Variants in DERA observed in about 807,000 individuals in gnomAD.
DERA encodes deoxyribose-phosphate aldolase.
DERA carries 15 observed loss-of-function variants against 41.1 expected under a neutral mutation model. The ratio of observed to expected loss-of-function variants is 0.37; its 90% CI spans 0.24 to 0.56. The LOEUF is 0.56. Among genes scored for constraint, DERA ranks in the 20% least tolerant of loss-of-function variants. The pLI, the probability that DERA is intolerant of heterozygous loss-of-function variation, is 0.81. For synonymous variants in DERA, 139 were observed against 137.4 expected, an observed-to-expected ratio of 1.01 and a Z score of -0.08; for missense variants, 396 against 403.4, an observed-to-expected ratio of 0.98 and a Z score of 0.16.
rs1170088923 is a variant in DERA, at chr12:15,911,540, A to T, written c.31+126A>T. ...CCGAGGGGTTTTCGCTGGGGCGGGA[A>T]GCAGTGGCGTCTGGTCAGCCCTCAC... On this transcript the variant is annotated intron_variant, in intron 1 of 8. Coordinates refer to ENST00000428559, the MANE Select transcript of DERA (RefSeq NM_015954.4). This position sits in a 1 kb window ranked among gnomAD's most constrained non-coding sequence, Gnocchi z 4.5. 3 of 981,000 alleles carry T rather than the reference A, an allele frequency of 3.1e-6. No individual in the cohort carries two copies. The highest frequency in any genetic ancestry group is 4.4e-6 in the Non-Finnish European group (3 of 681,200). The allele number at this position is 981,000 out of a possible 1,614,324, so 60.8% of individuals were successfully genotyped here.
chr12:15,982,450 G>T lies in DERA; in HGVS notation c.637+14G>T. The T allele has an allele frequency of 6.3e-7, 1 of 1,593,904 alleles. No homozygotes were observed. Among genetic ancestry groups the T allele is most frequent in the Non-Finnish European group, 8.5e-7 (1 of 1,173,374 alleles). On this transcript the variant is annotated intron_variant, in intron 6 of 8. Transcript: ENST00000428559. The surrounding 1 kb of genome is among the most constrained non-coding windows in gnomAD (Gnocchi z 4.0). ...CAATGATGGCAGGTAAGTGTTTTAT[G>T]TTCAAATAATGTTTTCTATTGAATT...
intron 1 of DERA, among the ~76,000 whole-genome samples, chr12:15,925,822 C>CTTT (rs35956433): frequency 2.7e-3 from 257 of 95,268 alleles, no homozygotes; most frequent in Non-Finnish European, 3.9e-3. Context: ...ACTCCTGAGG[C>CTTT]TTTTTTTTTT....
rs1948625783 is a variant in DERA, at chr12:15,966,724, T to C, written c.508+3777T>C. 6.6e-6 allele frequency among the ~76,000 whole-genome samples: 1 copy of C among 152,084 alleles called. No individual in the cohort carries two copies. The highest frequency in any genetic ancestry group is 2.1e-4 in the South Asian group (1 of 4,804). On this transcript the variant is annotated intron_variant, in intron 5 of 8. Coordinates refer to ENST00000428559, the MANE Select transcript of DERA (RefSeq NM_015954.4). This position sits in a 1 kb window ranked among gnomAD's most constrained non-coding sequence, Gnocchi z 5.1. Reference sequence around the variant, plus strand: ...CCCCTGCGTCTCATTTGCAAGCTCCTTCACCTCCTCTGTCATCCCTGAAGT... The same window carrying C: ...CCCCTGCGTCTCATTTGCAAGCTCCCTCACCTCCTCTGTCATCCCTGAAGT...
intron 1 of DERA, among the ~76,000 whole-genome samples, chr12:15,932,940 G>A (rs992400364): frequency 6.6e-6 from 1 of 152,034 alleles, no homozygotes; most frequent in African/African-American, 2.4e-5. Context: ...CCCTTTATGT[G>A]GTATTTCACT....
At chr12:16,016,791 C>CAAAAAAAAAAAAAAAAAAAAA (rs55996641) in intron 6 of DERA, among the ~76,000 whole-genome samples, 2 of 58,674 alleles carry the variant, frequency 3.4e-5, no homozygotes, top group African/African-American at 8.1e-5. Context: ...GACCCTGTCT[C>CAAAAAAAAAAAAAAAAAAAAA]AAAAAAAAAA....
intron 1 of DERA, among the ~76,000 whole-genome samples, chr12:15,948,053 A>C (rs1948465462): frequency 6.6e-6 from 1 of 152,202 alleles, no homozygotes; most frequent in Admixed American, 6.5e-5. Context: ...AGGCTTGTAG[A>C]GTTTCTGCTG....
rs146746247 is a variant in DERA, at chr12:16,010,014, C to A, written c.638-22528C>A. Among the ~76,000 whole-genome samples the A allele has an allele frequency of 4.5e-3, 683 of 152,232 alleles. 2 individuals are homozygous for A. Among genetic ancestry groups the A allele is most frequent in the Non-Finnish European group, 6.8e-3 (464 of 68,020 alleles). ...GAAGTTCTGTGAGAGACAGATAAAACCTCTGTATTAAGTGTGCAGTATAAC... is the reference window on the plus strand; with the variant it reads ...GAAGTTCTGTGAGAGACAGATAAAAACTCTGTATTAAGTGTGCAGTATAAC... On this transcript the variant is annotated intron_variant, in intron 6 of 8. Coordinates refer to ENST00000428559, the MANE Select transcript of DERA (RefSeq NM_015954.4). This position sits in a 1 kb window ranked among gnomAD's most constrained non-coding sequence, Gnocchi z 5.5.
rs1459414373 is a variant in DERA, at chr12:15,967,748, C to G, written c.508+4801C>G. Among the ~76,000 whole-genome samples, 2 of 152,174 alleles carry G rather than the reference C, an allele frequency of 1.3e-5. No homozygotes were observed. Among genetic ancestry groups the G allele is most frequent in the Non-Finnish European group, 2.9e-5 (2 of 68,034 alleles). On this transcript the variant is annotated intron_variant, in intron 5 of 8. Coordinates refer to ENST00000428559, the MANE Select transcript of DERA (RefSeq NM_015954.4). The surrounding 1 kb of genome is among the most constrained non-coding windows in gnomAD (Gnocchi z 4.9). ...CGTGACGGCACACTGTCCTTCCCTG[C>G]CAATCCTTCTGTCACTCCTGTCTAG...
In DERA at chr12:15,959,821, C is replaced by T. The variant is rs1031484026; in HGVS notation, c.278-8C>T. 8.5e-6 allele frequency: 13 copies of T among 1,525,630 alleles called. No homozygotes were observed. The African/African-American group carries it at 1.7e-4, about 19-fold the overall frequency. The allele number at this position is 1,525,630 out of a possible 1,614,324, so 94.5% of individuals were successfully genotyped here. On this transcript the variant is annotated splice_polypyrimidine_tract_variant and splice_region_variant and intron_variant, in intron 3 of 8. Transcript: ENST00000428559. This position sits in a 1 kb window ranked among gnomAD's most constrained non-coding sequence, Gnocchi z 4.5. ...TGAAAGTTGGCTATTCCTATTTTTT[C>T]TTGATAGGCATTACTACAGCCGCCG...
In DERA at chr12:15,959,850, G is replaced by A. The variant is rs1415957309; in HGVS notation, c.299G>A (p.Cys100Tyr). ...ATAGGCATTACTACAGCCGCCGTTT[G>A]TGTTTATCCCGCCCGGGTGTGTGAT... is the stretch of plus-strand genomic sequence containing the variant. ...HDKGITTAAV[C>Y]VYPARVCDAV... Residue 100 changes from cysteine (C) to tyrosine (Y), a missense_variant, in exon 4 of 9, where the codon TGT becomes TAT. By Grantham distance (194) the Cys-to-Tyr change is radical. Transcript: ENST00000428559. This position sits in a 1 kb window ranked among gnomAD's most constrained non-coding sequence, Gnocchi z 4.5. 10 of 1,547,706 alleles carry A rather than the reference G, an allele frequency of 6.5e-6. No homozygotes were observed. Among genetic ancestry groups the A allele is most frequent in the East Asian group, 2.4e-5 (1 of 41,172 alleles).
At chr12:15,977,338 A>G (rs1948704387) in intron 5 of DERA, among the ~76,000 whole-genome samples, 2 of 152,124 alleles carry the variant, frequency 1.3e-5, no homozygotes, top group Non-Finnish European at 2.9e-5. Flanking sequence ...GAGGCAGAAA[A>G]TTTTGAGGAA....
chr12:16,023,553 C>T (rs1949032878), intron 6 of DERA, among the ~76,000 whole-genome samples: 1 of 146,752 alleles, frequency 6.8e-6, no homozygotes, highest in African/African-American at 2.5e-5. Context: ...TCTCGGCTCA[C>T]TGCAAGCTCC....
At position 15,966,918 on chromosome 12, in the gene DERA, C is replaced by T. The variant is rs1948627167; in HGVS notation, c.508+3971C>T. The stretch of plus-strand genomic sequence containing the variant: ...CTCCTGAGCACCAGGACCACCTGGA[C>T]CCGGGGCCACCTGCTCCAGAACTCG... On this transcript the variant is annotated intron_variant, in intron 5 of 8. Transcript: ENST00000428559. The surrounding 1 kb of genome is among the most constrained non-coding windows in gnomAD (Gnocchi z 5.1). Among the ~76,000 whole-genome samples the T allele has an allele frequency of 6.6e-6, 1 of 152,120 alleles. No individual in the cohort carries two copies. The highest frequency in any genetic ancestry group is 2.4e-5 in the African/African-American group (1 of 41,414).
rs1043987630 is a variant in DERA at position 15,914,409 on chromosome 12, A to G, written c.31+2995A>G. 4.6e-4 allele frequency among the ~76,000 whole-genome samples: 70 copies of G among 151,628 alleles called. 1 individual carries two copies. Among genetic ancestry groups the G allele is most frequent in the Non-Finnish European group, 6.5e-4 (44 of 67,804 alleles). ...CAAAAAAGATAAAAAAAAAAAAAAAAAAAGAAAAAGTCTGTTGAATGAAGG... is the reference window on the plus strand; with the variant it reads ...CAAAAAAGATAAAAAAAAAAAAAAAGAAAGAAAAAGTCTGTTGAATGAAGG... On this transcript the variant is annotated intron_variant, in intron 1 of 8. Coordinates refer to ENST00000428559, the MANE Select transcript of DERA (RefSeq NM_015954.4).
At chr12:15,912,224 C>A (rs981744576) in intron 1 of DERA, among the ~76,000 whole-genome samples, 2 of 151,932 alleles carry the variant, frequency 1.3e-5, no homozygotes, top group Non-Finnish European at 2.9e-5. Flanking sequence ...TGACTCTTAA[C>A]GAGCATGCTG....
Position 15,988,820 on chromosome 12 carries a change from G to A in DERA, c.637+6384G>A, listed in dbSNP as rs367674768. ...ACCCAGGCTATTCACACTGAGGGGCGCCTGCAGACCCACACCAAGCTGCCC... is the reference window on the plus strand; with the variant it reads ...ACCCAGGCTATTCACACTGAGGGGCACCTGCAGACCCACACCAAGCTGCCC... On this transcript the variant is annotated intron_variant, in intron 6 of 8. Coordinates refer to ENST00000428559, the MANE Select transcript of DERA (RefSeq NM_015954.4). The surrounding 1 kb of genome is among the most constrained non-coding windows in gnomAD (Gnocchi z 6.0). 2.0e-5 allele frequency among the ~76,000 whole-genome samples: 3 copies of A among 152,168 alleles called. No individual in the cohort carries two copies. The highest frequency in any genetic ancestry group is 2.1e-4 in the South Asian group (1 of 4,834).
chr12:15,972,342 G>A lies in DERA; in HGVS notation c.508+9395G>A. 1 of 156,418 alleles carries A rather than the reference G, an allele frequency of 6.4e-6. No individual in the cohort carries two copies. Among genetic ancestry groups the A allele is most frequent in the Non-Finnish European group, 1.4e-5 (1 of 69,536 alleles). 9.7% of individuals were successfully genotyped at this position (156,418 alleles called of 1,614,324 possible). A position where few individuals can be genotyped will look rare whatever the true frequency, so the allele number is the denominator to read the frequency against. ...ACAGGAGGAAGCCAATGGCCTCGCG[G>A]CCCTTCTTGTTGCTCCCAGAACTGT... is the stretch of plus-strand genomic sequence containing the variant. On this transcript the variant is annotated intron_variant, in intron 5 of 8. Coordinates refer to ENST00000428559, the MANE Select transcript of DERA (RefSeq NM_015954.4). This position sits in a 1 kb window ranked among gnomAD's most constrained non-coding sequence, Gnocchi z 4.4.
In DERA at chr12:15,928,504, G is replaced by A. The variant is rs950798160; in HGVS notation, c.31+17090G>A. Among the ~76,000 whole-genome samples the A allele has an allele frequency of 2.6e-5, 4 of 152,188 alleles. No homozygotes were observed. Among genetic ancestry groups the A allele is most frequent in the African/African-American group, 9.7e-5 (4 of 41,448 alleles). On this transcript the variant is annotated intron_variant, in intron 1 of 8. Transcript: ENST00000428559. The surrounding 1 kb of genome is among the most constrained non-coding windows in gnomAD (Gnocchi z 4.6). ...TGTGCAAATTGTGAGCACAGGAAAA[G>A]GCTAAGGGCTGAGATCACCCTGTTT...
chr12:15,953,253 T>C (rs1230073672), intron 1 of DERA, among the ~76,000 whole-genome samples: 1 of 152,216 alleles, frequency 6.6e-6, no homozygotes, highest in African/African-American at 2.4e-5. Context: ...AAGTTTTTAT[T>C]TTTGTGTATG....
Sources: allele counts gnomAD v4.1 joint callset (sites outside exome capture counted in the v4.1 genomes callset), GRCh38; gene constraint gnomAD v4.1.1; non-coding constraint Gnocchi (gnomAD v3.1); transcripts MANE v1.5; gene names NCBI Gene and HGNC (gene_info 2026-07-23, HGNC 2026-07-21).